Variants in TEAD1 observed in about 807,000 individuals in gnomAD.
TEAD1 encodes TEA domain transcription factor 1.
TEAD1 carries 9 observed loss-of-function variants against 54.9 expected under a neutral mutation model. The observed-to-expected ratio is 0.16, with a 90% CI of 0.10 to 0.29. The LOEUF is 0.29. TEAD1 is among the 10% of genes least tolerant of loss of function. The pLI, the probability that TEAD1 is intolerant of heterozygous loss-of-function variation, is 1.00. For missense variants in TEAD1, 387 were observed against 535.9 expected (o/e 0.72, Z 2.74); for synonymous variants, 200 against 187.8 (o/e 1.07, Z -0.53).
chr11:12,875,465 G>A (rs947388978), intron 5 of TEAD1, among the ~76,000 whole-genome samples: 1 of 152,192 alleles, frequency 6.6e-6, no homozygotes, highest in African/African-American at 2.4e-5. Context: ...GGGTCTGTAG[G>A]CAGACCCTTG....
In TEAD1 at chr11:12,692,045, C is replaced by T. The variant is rs79822643; in HGVS notation, c.-55+16484C>T. On this transcript the variant is annotated intron_variant, in intron 2 of 12. Transcript: ENST00000527636. ...TTATGCATTGGATCCCTAGTTGTAA[C>T]ATAGCTATTGTTTTAGTGCTGCGGG... 7.6e-3 allele frequency among the ~76,000 whole-genome samples: 1,158 copies of T among 152,268 alleles called. 14 individuals carry two copies. Among genetic ancestry groups the T allele is most frequent in the African/African-American group, 0.027 (1,112 of 41,548 alleles).
intron 2 of TEAD1, among the ~76,000 whole-genome samples, chr11:12,683,836 G>A (rs1184779514): frequency 6.6e-6 from 1 of 152,116 alleles, no homozygotes; most frequent in Non-Finnish European, 1.5e-5. Context: ...AAAGGATAAT[G>A]TGGGTTCAAA....
intron 2 of TEAD1, among the ~76,000 whole-genome samples, chr11:12,732,795 C>G (rs1944449675): frequency 6.6e-6 from 1 of 152,176 alleles, no homozygotes; most frequent in Non-Finnish European, 1.5e-5. Flanking sequence ...AAACCAGCCA[C>G]CCAGCTTTTG....
intron 2 of TEAD1, among the ~76,000 whole-genome samples, chr11:12,730,694 C>CTTTTTT (rs71313457): frequency 2.6e-4 from 17 of 65,638 alleles, no homozygotes; most frequent in African/African-American, 7.1e-4. Context: ...CTACATAGCT[C>CTTTTTT]TTTTTTTTTT....
At chr11:12,743,408 AATG>A (rs1284035200) in intron 2 of TEAD1, among the ~76,000 whole-genome samples, 5 of 152,200 alleles carry the variant, frequency 3.3e-5, no homozygotes, top group African/African-American at 1.2e-4. Flanking sequence ...GAATCTGATT[AATG>A]ATCTGAAAGT....
At chr11:12,930,364 G>A in intron 12 of TEAD1, 38 bp downstream of exon 12, 3 of 1,613,114 alleles carry the variant, frequency 1.9e-6, no homozygotes, top group Non-Finnish European at 2.5e-6. Context: ...GGCAGATGCT[G>A]CCATGAGGCT....
At chr11:12,795,179 A>G (rs999669602) in intron 3 of TEAD1, among the ~76,000 whole-genome samples, 1 of 152,120 alleles carries the variant, frequency 6.6e-6, no homozygotes, top group South Asian at 2.1e-4. Flanking sequence ...GTTGCCATCA[A>G]TGCTTGGCTT....
chr11:12,867,187 G>A (rs1003984814), intron 5 of TEAD1, among the ~76,000 whole-genome samples: 20 of 152,062 alleles, frequency 1.3e-4, no homozygotes, highest in African/African-American at 4.6e-4. Context: ...CACCCTAAAC[G>A]AATCATTGTT....
rs553595860 is a variant in TEAD1, at chr11:12,684,925, A to T, written c.-55+9364A>T. On this transcript the variant is annotated intron_variant, in intron 2 of 12. Coordinates refer to ENST00000527636, the MANE Select transcript of TEAD1 (RefSeq NM_021961.6). ...GGATGGTTGTGAATTCCAGTGCCTA[A>T]CTCCAGGTACTTCCTGGGTAGATGA... Among the ~76,000 whole-genome samples, 7 of 152,292 alleles carry T rather than the reference A, an allele frequency of 4.6e-5. No individual in the cohort carries two copies. The South Asian group carries it at 1.5e-3, about 32-fold the overall frequency.
intron 3 of TEAD1, among the ~76,000 whole-genome samples, chr11:12,769,297 T>C (rs1467967011): frequency 6.6e-6 from 1 of 152,020 alleles, no homozygotes; most frequent in African/African-American, 2.4e-5. Context: ...CAGGACAGCA[T>C]AGGACTTAGG....
chr11:12,895,946 C>T (rs1370596318), intron 9 of TEAD1, among the ~76,000 whole-genome samples: 1 of 142,594 alleles, frequency 7.0e-6, no homozygotes, highest in East Asian at 2.3e-4. Flanking sequence ...CCTCCGTCTT[C>T]CTTTCAGTCC....
At chr11:12,903,115 T>A (rs959594147) in intron 10 of TEAD1, among the ~76,000 whole-genome samples, 1 of 152,172 alleles carries the variant, frequency 6.6e-6, no homozygotes, top group Non-Finnish European at 1.5e-5. Context: ...CTGTGCTGAA[T>A]GCTTTACGTG....
At chr11:12,916,246 C>A (rs576712873) in intron 10 of TEAD1, among the ~76,000 whole-genome samples, 66 of 152,130 alleles carry the variant, frequency 4.3e-4, no homozygotes, top group African/African-American at 1.5e-3. Flanking sequence ...ATACGTAAGA[C>A]CCGTCATAAA....
At chr11:12,871,751 G>C (rs1947749597) in intron 5 of TEAD1, among the ~76,000 whole-genome samples, 1 of 152,198 alleles carries the variant, frequency 6.6e-6, no homozygotes, top group African/African-American at 2.4e-5. Context: ...CACTTCTCGA[G>C]TGTGTTTAGG....
intron 2 of TEAD1, among the ~76,000 whole-genome samples, chr11:12,749,317 A>G (rs1329366264): frequency 6.6e-6 from 1 of 152,218 alleles, no homozygotes; most frequent in African/African-American, 2.4e-5. Context: ...AATTAATCTA[A>G]GGGGCTGAGA....
At chr11:12,769,556 C>G (rs910232663) in intron 3 of TEAD1, among the ~76,000 whole-genome samples, 1 of 152,048 alleles carries the variant, frequency 6.6e-6, no homozygotes, top group African/African-American at 2.4e-5. Context: ...CTCATAACAG[C>G]TCTTTGAGGA....
intron 12 of TEAD1, among the ~76,000 whole-genome samples, chr11:12,930,787 G>A (rs1948999536): frequency 6.6e-6 from 1 of 152,196 alleles, no homozygotes; most frequent in East Asian, 1.9e-4. Flanking sequence ...GGCAAAAGCT[G>A]AGTTGGTATG....
intron 2 of TEAD1, among the ~76,000 whole-genome samples, chr11:12,748,077 T>G (rs1486749278): frequency 1.3e-5 from 2 of 152,008 alleles, no homozygotes; most frequent in Non-Finnish European, 2.9e-5. Flanking sequence ...TTCTCCTGCT[T>G]CAGCCTCCCA....
chr11:12,931,387 G>A (rs190556135), intron 12 of TEAD1, among the ~76,000 whole-genome samples: 15 of 152,322 alleles, frequency 9.8e-5, no homozygotes, highest in Admixed American at 6.5e-4. Context: ...AACAAAACTT[G>A]AGGGAAACAA....
Sources: gnomAD v4.1 joint callset for allele counts (sites outside exome capture counted in the v4.1 genomes callset) on GRCh38, gnomAD v4.1.1 for gene constraint, MANE v1.5 for transcripts, NCBI Gene and HGNC (gene_info 2026-07-23, HGNC 2026-07-21) for gene names.